Variants in RPS6KC1 observed in about 807,000 individuals in gnomAD.
RPS6KC1 encodes ribosomal protein S6 kinase C1.
Under a neutral mutation model 103.8 loss-of-function variants are expected in RPS6KC1, and 54 were observed. That is an observed-to-expected ratio of 0.52 (90% confidence interval 0.42 to 0.65). RPS6KC1 has a LOEUF of 0.65. RPS6KC1 is among the 30% of genes least tolerant of loss of function. The pLI is 0.00. For synonymous variants in RPS6KC1, 439 were observed against 438.7 expected (o/e 1.00, Z -0.01); for missense variants, 1,151 against 1,253.8 (o/e 0.92, Z 1.24).
At chr1:213,675,030 G>A in the RPS6KC1 span, among the ~76,000 whole-genome samples, 1 of 152,126 alleles carries the variant, frequency 6.6e-6, no homozygotes, top group South Asian at 2.1e-4. Flanking sequence ...TATAGATTCT[G>A]GGTATTAGAC....
chr1:213,359,933 G>A, the RPS6KC1 span, among the ~76,000 whole-genome samples: 29 of 152,196 alleles, frequency 1.9e-4, no homozygotes, highest in Non-Finnish European at 4.4e-5. Flanking sequence ...TCAGCTGTTA[G>A]TCTGATGGGC....
At chr1:213,394,909 C>A in the RPS6KC1 span, among the ~76,000 whole-genome samples, 1 of 152,240 alleles carries the variant, frequency 6.6e-6, no homozygotes, top group African/African-American at 2.4e-5. Context: ...AGCTGCCCCT[C>A]ATGCTGAGGC....
chr1:213,574,426 A>G, the RPS6KC1 span, among the ~76,000 whole-genome samples: 2 of 152,202 alleles, frequency 1.3e-5, no homozygotes, highest in African/African-American at 2.4e-5. Flanking sequence ...TGAATCTCTA[A>G]TGGTAGAATT....
chr1:213,281,263 G>A, the RPS6KC1 span, among the ~76,000 whole-genome samples: 1 of 152,210 alleles, frequency 6.6e-6, no homozygotes, highest in Admixed American at 6.5e-5. Flanking sequence ...TCTTTCAAGT[G>A]TAAGGCTCCG....
the RPS6KC1 span, among the ~76,000 whole-genome samples, chr1:213,602,174 C>CTT: frequency 9.8e-6 from 1 of 101,526 alleles, no homozygotes; most frequent in African/African-American, 4.0e-5. Context: ...TTCTTTCTTT[C>CTT]TTTCTTTCTT....
the RPS6KC1 span, among the ~76,000 whole-genome samples, chr1:213,543,605 C>T: frequency 6.6e-6 from 1 of 152,144 alleles, no homozygotes; most frequent in Non-Finnish European, 1.5e-5. Flanking sequence ...TTTAAAGCAT[C>T]CAGGATAAAC....
intron 12 of RPS6KC1, among the ~76,000 whole-genome samples, chr1:213,256,808 ACTT>A (rs1415146549): frequency 6.6e-6 from 1 of 152,184 alleles, no homozygotes; most frequent in East Asian, 1.9e-4. Flanking sequence ...CATAAAGCCT[ACTT>A]CTTAGACTCT....
At chr1:213,217,427 G>A (rs137867116) in intron 8 of RPS6KC1, among the ~76,000 whole-genome samples, 1,652 of 152,222 alleles carry the variant, frequency 0.011, 30 homozygotes, top group African/African-American at 0.038. Context: ...ATTCACAGCC[G>A]AATTCTACCA....
chr1:213,138,708 T>A (rs137878515), intron 6 of RPS6KC1, among the ~76,000 whole-genome samples: 122 of 152,338 alleles, frequency 8.0e-4, no homozygotes, highest in African/African-American at 2.8e-3. Context: ...AAATAGCTGC[T>A]TAGTATTCTG....
chr1:213,656,474 C>T, the RPS6KC1 span, among the ~76,000 whole-genome samples: 1 of 152,202 alleles, frequency 6.6e-6, no homozygotes, highest in African/African-American at 2.4e-5. Flanking sequence ...GGAGACAGAA[C>T]TGTCACAATG....
At chr1:213,796,226 C>T in the RPS6KC1 span, among the ~76,000 whole-genome samples, 1 of 152,152 alleles carries the variant, frequency 6.6e-6, no homozygotes, top group Non-Finnish European at 1.5e-5. Context: ...ACTTTCTGAT[C>T]CTTGAGTTCT....
the RPS6KC1 span, among the ~76,000 whole-genome samples, chr1:213,664,201 G>A: frequency 1.2e-4 from 17 of 139,610 alleles, no homozygotes; most frequent in African/African-American, 3.8e-4. Flanking sequence ...GCGGGGGGGC[G>A]GGGTGGGGAG....
the RPS6KC1 span, among the ~76,000 whole-genome samples, chr1:213,557,978 G>C: frequency 6.6e-6 from 1 of 152,174 alleles, no homozygotes; most frequent in Non-Finnish European, 1.5e-5. Flanking sequence ...TTCTCTGAAA[G>C]AGAAGGAAAA....
At chr1:213,749,809 C>T in the RPS6KC1 span, among the ~76,000 whole-genome samples, 1 of 152,198 alleles carries the variant, frequency 6.6e-6, no homozygotes, top group Non-Finnish European at 1.5e-5. Context: ...CAAACTCGCA[C>T]TTGGAATCAT....
chr1:213,585,800 C>G, the RPS6KC1 span, among the ~76,000 whole-genome samples: 2 of 152,222 alleles, frequency 1.3e-5, no homozygotes, highest in South Asian at 4.2e-4. Flanking sequence ...ACACATGGCA[C>G]GGCTTAACAC....
At chr1:213,152,910 G>A (rs1464375814) in intron 6 of RPS6KC1, among the ~76,000 whole-genome samples, 1 of 152,226 alleles carries the variant, frequency 6.6e-6, no homozygotes, top group East Asian at 1.9e-4. Flanking sequence ...GGAGGTTGTA[G>A]CGAGCCGAGA....
the RPS6KC1 span, among the ~76,000 whole-genome samples, chr1:213,485,880 GA>G: frequency 2.6e-5 from 4 of 152,082 alleles, no homozygotes; most frequent in African/African-American, 9.7e-5. Flanking sequence ...AGTGCAGGAA[GA>G]AAAAAATGTG....
chr1:213,446,400 G>A, the RPS6KC1 span, among the ~76,000 whole-genome samples: 2 of 152,170 alleles, frequency 1.3e-5, no homozygotes, highest in African/African-American at 2.4e-5. Context: ...TGCAATGGTG[G>A]GAGCTGGCAA....
chr1:213,436,640 A>G, the RPS6KC1 span, among the ~76,000 whole-genome samples: 1 of 152,160 alleles, frequency 6.6e-6, no homozygotes, highest in African/African-American at 2.4e-5. Context: ...ATTTATGAAT[A>G]TTGTTTATTC....
Sources: gnomAD v4.1 joint callset for allele counts (sites outside exome capture counted in the v4.1 genomes callset) on GRCh38, gnomAD v4.1.1 for gene constraint, MANE v1.5 for transcripts, NCBI Gene and HGNC (gene_info 2026-07-23, HGNC 2026-07-21) for gene names.